The following TNS4 variants were observed in gnomAD, a reference collection of about 807,000 sequenced individuals.
TNS4 encodes the protein tensin 4.
A neutral mutation model predicts 70.4 loss-of-function variants in TNS4; 46 were observed. The ratio of observed to expected loss-of-function variants is 0.65; its 90% confidence interval spans 0.52 to 0.84. TNS4 has a LOEUF of 0.84. TNS4 is among the 40% of genes least tolerant of loss of function. The probability of loss-of-function intolerance (pLI) is 0.00; values close to 1 mark genes in which losing one functional copy is unlikely to be tolerated. For missense variants in TNS4, 863 were observed against 907.0 expected, an observed-to-expected ratio of 0.95 and a Z score of 0.62; for synonymous variants, 390 against 366.6, an observed-to-expected ratio of 1.06 and a Z score of -0.73.
intron 3 of TNS4, among the ~76,000 whole-genome samples, chr17:40,488,344 G>A (rs1432967911): frequency 6.6e-6 from 1 of 152,164 alleles, no homozygotes; most frequent in African/African-American, 2.4e-5. Flanking sequence ...TATAAGTCAA[G>A]ACTTTTTATA....
Position 40,492,843 on chromosome 17 carries a change from A to G in TNS4, c.439+3144T>C, listed in dbSNP as rs373060078. Among the ~76,000 whole-genome samples the G allele has an allele frequency of 5.5e-3, 838 of 152,076 alleles. 7 individuals are homozygous for G. The highest frequency in any genetic ancestry group is 0.019 in the African/African-American group (791 of 41,472). ...CCGAGGTGGACGAGGTCAAGAGTTC[A>G]AGACCAGCCTGGCCAACATGGTGAA... On this transcript the variant is annotated intron_variant, in intron 2 of 12. Transcript: ENST00000254051.
At chr17:40,485,352 T>TTCC (rs1348799427) in intron 4 of TNS4, among the ~76,000 whole-genome samples, 3 of 152,256 alleles carry the variant, frequency 2.0e-5, no homozygotes, top group African/African-American at 7.2e-5. Flanking sequence ...CAAGGAATTC[T>TTCC]CAAATGCATC....
chr17:40,477,680 A>T lies in TNS4; in HGVS notation c.2056T>A (p.Cys686Ser). 1 of 1,613,942 alleles carries T rather than the reference A, an allele frequency of 6.2e-7. No homozygotes were observed. The highest frequency in any genetic ancestry group is 1.1e-5 in the South Asian group (1 of 91,074). Residue 686 changes from cysteine (C) to serine (S), a missense_variant, in exon 13 of 13, where the codon TGC becomes AGC. By Grantham distance (112) the Cys-to-Ser change is moderately radical (BLOSUM62 -1). Transcript: ENST00000254051. ...KSQTEPQENV[C>S]HLFAEYDMVQ... ...ATGTCATACTCCGCAAAGAGGTGGCATACGTTCTCCTGAGGCTCTGTCTGG... is the reference window on the plus strand; with the variant it reads ...ATGTCATACTCCGCAAAGAGGTGGCTTACGTTCTCCTGAGGCTCTGTCTGG...
chr17:40,478,757 GTC>G, intron 10 of TNS4, 109 bp from the exon 11 acceptor site: 1 of 1,295,734 alleles, frequency 7.7e-7, no homozygotes, highest in Admixed American at 1.9e-5. Context: ...CCTCCAAGAA[GTC>G]TCTGGGTTAG....
chr17:40,489,664 G>C (rs1016088178), intron 2 of TNS4, among the ~76,000 whole-genome samples: 2 of 151,908 alleles, frequency 1.3e-5, no homozygotes, highest in African/African-American at 2.4e-5. Flanking sequence ...AAAATTAGCC[G>C]GGCACCTGTA....
chr17:40,482,279 G>C, intron 7 of TNS4, 45 bp downstream of exon 7: 1 of 1,613,680 alleles, frequency 6.2e-7, no homozygotes. Flanking sequence ...CGGAGACTTC[G>C]CTGGCCCCCC....
In TNS4 at chr17:40,480,687, C is replaced by G; in HGVS notation, c.1741+13G>C. Reference sequence around the variant, plus strand: ...ACAGCCAAGCTTGGCGCCTCCCTTCCTGTACCACTCACCCGCAGATTTCTT... The same window carrying G: ...ACAGCCAAGCTTGGCGCCTCCCTTCGTGTACCACTCACCCGCAGATTTCTT... On this transcript the variant is annotated intron_variant, in intron 9 of 12. Coordinates refer to ENST00000254051, the MANE Select transcript of TNS4 (RefSeq NM_032865.6). 6.5e-7 allele frequency: 1 copy of G among 1,540,846 alleles called. No homozygotes were observed. The highest frequency in any genetic ancestry group is 1.3e-5 in the South Asian group (1 of 79,750).
intron 9 of TNS4, 141 bp from the exon 10 acceptor site, chr17:40,479,983 G>C (rs1466142): frequency 9.2e-7 from 1 of 1,085,212 alleles, no homozygotes; most frequent in African/African-American, 1.6e-5. Context: ...CAGAAAGTGG[G>C]TGTGTGGGTG....
chr17:40,501,275 C>T (rs2036211861), intron 1 of TNS4, among the ~76,000 whole-genome samples: 1 of 152,006 alleles, frequency 6.6e-6, no homozygotes, highest in Non-Finnish European at 1.5e-5. Context: ...GGTGAAACCG[C>T]GTCTCTACTA....
intron 6 of TNS4, 41 bp downstream of exon 6, chr17:40,484,443 C>A (rs750692189): frequency 3.1e-6 from 5 of 1,599,996 alleles, no homozygotes; most frequent in Non-Finnish European, 4.3e-6. Flanking sequence ...CACCCCGCTG[C>A]CTCAGTGAGG....
At chr17:40,486,900 G>T (rs971000813) in intron 4 of TNS4, 136 bp downstream of exon 4, 2 of 1,155,764 alleles carry the variant, frequency 1.7e-6, no homozygotes, top group Non-Finnish European at 2.5e-6. Context: ...CCCTCTGTGT[G>T]TCCTCACTAC....
At chr17:40,481,980 A>G (rs2143787334) in intron 8 of TNS4, 149 bp downstream of exon 8, 1 of 819,710 alleles carries the variant, frequency 1.2e-6, no homozygotes. Context: ...TTTCACAGCT[A>G]GGAGGTGGAG....
chr17:40,482,397 G>A lies in TNS4; in HGVS notation c.1521C>T (p.Leu507=). 6.2e-7 allele frequency: 1 copy of A among 1,614,072 alleles called. No individual in the cohort carries two copies. Among genetic ancestry groups the A allele is most frequent in the Non-Finnish European group, 8.5e-7 (1 of 1,180,024 alleles). The change falls in exon 7 of 13, where the codon CTC becomes CTT. Residue 507 remains leucine (L), a synonymous_variant. Transcript: ENST00000254051. ...ACGACTCGATGAGGAAGTGTCGGAT[G>A]AGGTCATTGCTGTCCTCACCTGGAC... ...QSRPGEDSND[L]IRHFLIESSA...
At chr17:40,491,546 A>G (rs78350516) in intron 2 of TNS4, among the ~76,000 whole-genome samples, 1 of 152,134 alleles carries the variant, frequency 6.6e-6, no homozygotes, top group Non-Finnish European at 1.5e-5. Context: ...GCCCTGTGAG[A>G]AGGTGCTTGG....
At position 40,488,926 on chromosome 17, in the gene TNS4, G is replaced by A. The variant is rs755695435; in HGVS notation, c.483C>T (p.His161=). ...IEVTSARSRC[H]DGPQHCSSPS... ...GGCTGGAGCAGTGCTGGGGGCCATC[G>A]TGGCACCTTGATCTGGCGGAGGTCA... is the stretch of plus-strand genomic sequence containing the variant. Residue 161 remains histidine (H), a synonymous_variant, in exon 3 of 13, where the codon CAC becomes CAT. Coordinates refer to ENST00000254051, the MANE Select transcript of TNS4 (RefSeq NM_032865.6). The A allele has an allele frequency of 1.0e-5, 16 of 1,598,814 alleles. No individual in the cohort carries two copies. Among genetic ancestry groups the A allele is most frequent in the African/African-American group, 6.8e-5 (5 of 73,840 alleles).
chr17:40,500,991 G>A (rs764960259), intron 1 of TNS4, among the ~76,000 whole-genome samples: 16 of 152,164 alleles, frequency 1.1e-4, no homozygotes, highest in Non-Finnish European at 1.9e-4. Flanking sequence ...CCTCTTCTCT[G>A]TGGCCCTCAG....
chr17:40,501,170 T>C (rs1252111559), intron 1 of TNS4, among the ~76,000 whole-genome samples: 1 of 152,166 alleles, frequency 6.6e-6, no homozygotes, highest in Non-Finnish European at 1.5e-5. Context: ...AAAGGTTAAA[T>C]GAGGCTGGGC....
chr17:40,490,681 G>A (rs1302215829), intron 2 of TNS4, among the ~76,000 whole-genome samples: 14 of 152,240 alleles, frequency 9.2e-5, no homozygotes, highest in Admixed American at 9.2e-4. Context: ...AGCAAGGGCT[G>A]GCAGCTGACT....
At chr17:40,498,940 T>C (rs1380405117) in intron 1 of TNS4, among the ~76,000 whole-genome samples, 1 of 152,210 alleles carries the variant, frequency 6.6e-6, no homozygotes, top group East Asian at 1.9e-4. Flanking sequence ...TCCAGAAAGA[T>C]GGTGGAGCTG....
Sources: gnomAD v4.1 joint callset for allele counts (sites outside exome capture counted in the v4.1 genomes callset) on GRCh38, gnomAD v4.1.1 for gene constraint, MANE v1.5 for transcripts, NCBI Gene and HGNC (gene_info 2026-07-23, HGNC 2026-07-21) for gene names.